Variants in AGPAT2 observed in about 807,000 individuals in gnomAD.
The protein encoded by AGPAT2 is 1-acyl-sn-glycerol-3-phosphate acyltransferase beta.
In AGPAT2, 18 loss-of-function variants were observed where a neutral mutation model predicts 26.1. The observed-to-expected ratio is 0.69, with a 90% CI of 0.48 to 1.02. AGPAT2 has a LOEUF of 1.02. Ranked by LOEUF, AGPAT2 falls within the 50% of genes least tolerant of loss-of-function variation. AGPAT2 has a pLI of 0.00. For synonymous variants in AGPAT2, 200 were observed against 174.2 expected (o/e 1.15, Z -1.16); for missense variants, 415 against 394.9 (o/e 1.05, Z -0.43).
At chr9:136,681,194 G>A (rs889298049) in intron 1 of AGPAT2, among the ~76,000 whole-genome samples, 6 of 148,724 alleles carry the variant, frequency 4.0e-5, no homozygotes, top group South Asian at 2.1e-4. Flanking sequence ...ACAAACCCCC[G>A]CCCAGCAGGC....
chr9:136,673,786 GC>G lies in AGPAT2; in HGVS notation c.802del (p.Ala268ProfsTer19). Reference protein sequence around the residue: ...HISKTPQENGATAGSGVQPAQ With the variant: ...HISKTPQENGXTAGSGVQPAQ ...CGGCTGCACGCCAGACCCCGCAGTG[GC>G]CCCGTTCTCCTGGGGGGTCTTGGAG... On this transcript the variant is annotated frameshift_variant, in exon 6 of 6. Transcript: ENST00000371696. LOFTEE classifies it low-confidence loss of function (END_TRUNC). 1 of 1,603,782 alleles carries G rather than the reference GC, an allele frequency of 6.2e-7. No individual in the cohort carries two copies. The highest frequency in any genetic ancestry group is 8.5e-7 in the Non-Finnish European group (1 of 1,176,756).
At chr9:136,685,938 C>T (rs983826059) in intron 1 of AGPAT2, among the ~76,000 whole-genome samples, 3 of 152,230 alleles carry the variant, frequency 2.0e-5, no homozygotes, top group African/African-American at 7.2e-5. Flanking sequence ...CTGGGGACGT[C>T]AGCGCCAGTC....
In AGPAT2 at chr9:136,673,669, A is replaced by G; in HGVS notation, c.*83T>C. ...GGAGCCGGACAGAGTGGTATTTGGA[A>G]GCCGGGAGGAGTCCCCTCTGCCCAT... On this transcript the variant is annotated 3_prime_UTR_variant, in exon 6 of 6. Coordinates refer to ENST00000371696, the MANE Select transcript of AGPAT2 (RefSeq NM_006412.4). The G allele has an allele frequency of 7.2e-7, 1 of 1,392,148 alleles. No homozygotes were observed. The highest frequency in any genetic ancestry group is 1.5e-5 in the South Asian group (1 of 67,870). The allele number at this position is 1,392,148 out of a possible 1,614,324, so 86.2% of individuals were successfully genotyped here. A position where few individuals can be genotyped will look rare whatever the true frequency, so the allele number is the denominator to read the frequency against.
In AGPAT2 at chr9:136,683,944, C is replaced by T. The variant is rs1033773476; in HGVS notation, c.182+3232G>A. Among the ~76,000 whole-genome samples the T allele has an allele frequency of 3.9e-4, 60 of 152,344 alleles. 1 individual carries two copies. The highest frequency in any genetic ancestry group is 2.1e-3 in the Admixed American group (32 of 15,306). On this transcript the variant is annotated intron_variant, in intron 1 of 5. Coordinates refer to ENST00000371696, the MANE Select transcript of AGPAT2 (RefSeq NM_006412.4). ...TGCCCGACATCCCAAGTCCCCTGTG[C>T]GTTCTCCCCACACTGGGCGTGTGGT... is the stretch of plus-strand genomic sequence containing the variant.
At chr9:136,680,320 G>C (rs186167829) in intron 1 of AGPAT2, among the ~76,000 whole-genome samples, 1 of 152,108 alleles carries the variant, frequency 6.6e-6, no homozygotes, top group Non-Finnish European at 1.5e-5. Flanking sequence ...TCTGCCTCCC[G>C]GGTTCAAGCA....
chr9:136,673,996 C>A (rs1057084115), intron 5 of AGPAT2, 69 bp from the exon 6 acceptor site: 13 of 1,390,602 alleles, frequency 9.3e-6, no homozygotes, highest in Non-Finnish European at 1.2e-5. Context: ...GCTGCCCTGG[C>A]CTCGCCTCTC....
rs777248850 is a variant in AGPAT2 at position 136,673,808 on chromosome 9, T to C, written c.781A>G (p.Lys261Glu). 6.2e-7 allele frequency: 1 copy of C among 1,606,324 alleles called. No individual in the cohort carries two copies. The highest frequency in any genetic ancestry group is 8.5e-7 in the Non-Finnish European group (1 of 1,177,980). ...AMRTTFLHIS[K>E]TPQENGATAG... Reference sequence around the variant, plus strand: ...GTGGCCCCGTTCTCCTGGGGGGTCTTGGAGATGTGGAGGAAGGTGGTCCTC... The same window carrying C: ...GTGGCCCCGTTCTCCTGGGGGGTCTCGGAGATGTGGAGGAAGGTGGTCCTC... The change falls in exon 6 of 6, where the codon AAG becomes GAG. Residue 261 changes from lysine (K) to glutamate (E), a missense_variant. Coordinates refer to ENST00000371696, the MANE Select transcript of AGPAT2 (RefSeq NM_006412.4).
chr9:136,677,643 A>T, intron 1 of AGPAT2, 87 bp from the exon 2 acceptor site: 22 of 1,455,544 alleles, frequency 1.5e-5, no homozygotes, highest in East Asian at 2.4e-5. Context: ...GGTGTGGAGG[A>T]GGCTGGGGAG....
At chr9:136,686,003 C>A (rs552105064) in intron 1 of AGPAT2, among the ~76,000 whole-genome samples, 30 of 152,360 alleles carry the variant, frequency 2.0e-4, no homozygotes. Context: ...CCTGGGCCAC[C>A]TGGCCCACAT....
In AGPAT2 at chr9:136,687,398, G is replaced by A. The variant is rs778314262; in HGVS notation, c.-41C>T. ...CCGACGGCGCCGCCAGCTCGCTCCC[G>A]CTCCCGCTCCCGCTTCTCCCCCGCG... is the stretch of plus-strand genomic sequence containing the variant. On this transcript the variant is annotated 5_prime_UTR_variant, in exon 1 of 6. Transcript: ENST00000371696. 24 of 1,391,996 alleles carry A rather than the reference G, an allele frequency of 1.7e-5. No homozygotes were observed. Among genetic ancestry groups the A allele is most frequent in the South Asian group, 1.6e-4 (10 of 64,110 alleles). The allele number at this position is 1,391,996 out of a possible 1,614,324, so 86.2% of individuals were successfully genotyped here.
At chr9:136,678,079 G>T (rs942684359) in intron 1 of AGPAT2, among the ~76,000 whole-genome samples, 3 of 152,176 alleles carry the variant, frequency 2.0e-5, no homozygotes, top group African/African-American at 7.2e-5. Context: ...CCTCCGAAAG[G>T]TTCTTCCAGA....
intron 1 of AGPAT2, among the ~76,000 whole-genome samples, chr9:136,680,961 A>C (rs1396443990): frequency 1.3e-5 from 2 of 152,090 alleles, no homozygotes; most frequent in Non-Finnish European, 2.9e-5. Context: ...CAGCGCGCCG[A>C]GCCCTCCTCT....
In AGPAT2 at chr9:136,687,394, T is replaced by TC; in HGVS notation, c.-38dup. 7.2e-7 allele frequency: 1 copy of TC among 1,384,044 alleles called. No homozygotes were observed. 85.7% of individuals were successfully genotyped at this position (1,384,044 alleles called of 1,614,324 possible). ...GCGCCCGACGGCGCCGCCAGCTCGC[T>TC]CCCGCTCCCGCTCCCGCTTCTCCCC... is the stretch of plus-strand genomic sequence containing the variant. On this transcript the variant is annotated 5_prime_UTR_variant, in exon 1 of 6. Coordinates refer to ENST00000371696, the MANE Select transcript of AGPAT2 (RefSeq NM_006412.4).
In AGPAT2 at chr9:136,687,179, A is replaced by T. The variant is rs761378691; in HGVS notation, c.179T>A (p.Met60Lys). ...TCCCGGCGGCCCCCGGCCTTGCCTC[A>T]TGTTCTCCACCGTCCGGCCGCCGTG... ...LRHGGRTVEN[M>K]SIIGWFVRSF... Residue 60 changes from methionine to lysine, a missense_variant, in exon 1 of 6, where the codon ATG becomes AAG. Coordinates refer to ENST00000371696, the MANE Select transcript of AGPAT2 (RefSeq NM_006412.4). 3.1e-6 allele frequency: 5 copies of T among 1,587,924 alleles called. No homozygotes were observed. The highest frequency in any genetic ancestry group is 4.3e-6 in the Non-Finnish European group (5 of 1,172,238).
chr9:136,687,416 C>G lies in AGPAT2; in HGVS notation c.-59G>C. On this transcript the variant is annotated 5_prime_UTR_variant, in exon 1 of 6. Transcript: ENST00000371696. ...CGCTCCCGCTCCCGCTCCCGCTTCT[C>G]CCCCGCGCGCTCAGGCCCCTTATTG... 2.2e-6 allele frequency: 3 copies of G among 1,354,158 alleles called. No individual in the cohort carries two copies. The highest frequency in any genetic ancestry group is 3.1e-5 in the East Asian group (1 of 32,192). 83.9% of individuals were successfully genotyped at this position (1,354,158 alleles called of 1,614,324 possible). A position where few individuals can be genotyped will look rare whatever the true frequency, so the allele number is the denominator to read the frequency against.
chr9:136,683,176 G>A lies in AGPAT2; in HGVS notation c.182+4000C>T, dbSNP rs112321141. On this transcript the variant is annotated intron_variant, in intron 1 of 5. Coordinates refer to ENST00000371696, the MANE Select transcript of AGPAT2 (RefSeq NM_006412.4). ...AGGCAGACGGATCACTTGAGCTCAG[G>A]GGTTTAAGACCAACCTGGGCAACAG... 1.6e-3 allele frequency among the ~76,000 whole-genome samples: 240 copies of A among 152,078 alleles called. 1 individual carries two copies. Among genetic ancestry groups the A allele is most frequent in the African/African-American group, 5.4e-3 (223 of 41,466 alleles).
At chr9:136,679,680 C>T (rs979126677) in intron 1 of AGPAT2, among the ~76,000 whole-genome samples, 7 of 152,214 alleles carry the variant, frequency 4.6e-5, no homozygotes, top group Non-Finnish European at 7.3e-5. Context: ...GCAAGACGGC[C>T]GTGTCGCCAA....
chr9:136,673,875 C>A lies in AGPAT2; in HGVS notation c.714G>T (p.Ala238=). 1.2e-6 allele frequency: 2 copies of A among 1,603,126 alleles called. No individual in the cohort carries two copies. The highest frequency in any genetic ancestry group is 2.2e-5 in the East Asian group (1 of 44,454). Residue 238 remains alanine (A), a synonymous_variant, in exon 6 of 6, where the codon GCG becomes GCT. Transcript: ENST00000371696. ...LEAIPTSGLT[A]ADVPALVDTC... ...TGTCCACGAGCGCAGGGACGTCCGC[C>A]GCAGTGAGGCCGCTGGTGGGGATGG...
In AGPAT2 at chr9:136,687,077, G is replaced by C. The variant is rs118017936; in HGVS notation, c.182+99C>G. 126,081 of 1,357,534 alleles carry C rather than the reference G, an allele frequency of 0.093. 6,093 individuals are homozygous for C. Among genetic ancestry groups the C allele is most frequent in the Middle Eastern group, 0.11 (433 of 3,948 alleles). 84.1% of individuals were successfully genotyped at this position (1,357,534 alleles called of 1,614,324 possible). A position where few individuals can be genotyped will look rare whatever the true frequency, so the allele number is the denominator to read the frequency against. On this transcript the variant is annotated intron_variant, in intron 1 of 5. Transcript: ENST00000371696. The stretch of plus-strand genomic sequence containing the variant: ...CTCCCCGGAGCCCCGGAGCGGGGCG[G>C]GACGGGCGGGGCAGGAAGGAGGGAA...
Sources: allele counts gnomAD v4.1 joint callset (sites outside exome capture counted in the v4.1 genomes callset), GRCh38; gene constraint gnomAD v4.1.1; transcripts MANE v1.5; gene names NCBI Gene and HGNC (gene_info 2026-07-23, HGNC 2026-07-21).